The following PLXDC2 variants were observed in gnomAD, a reference collection of about 807,000 sequenced individuals.
The protein encoded by PLXDC2 is plexin domain containing 2, also known as plexin domain-containing protein 2.
Under a neutral mutation model 68.9 loss-of-function variants are expected in PLXDC2, and 40 were observed. The observed-to-expected ratio is 0.58, with a 90% CI of 0.45 to 0.76. PLXDC2 has a LOEUF of 0.76. PLXDC2 is among the 30% of genes least tolerant of loss of function. The pLI is 0.00. For missense variants in PLXDC2, 644 were observed against 661.9 expected (o/e 0.97, Z 0.30); for synonymous variants, 243 against 234.2 (o/e 1.04, Z -0.34).
chr10:20,006,524 T>G (rs531647501), intron 2 of PLXDC2, among the ~76,000 whole-genome samples: 2 of 152,268 alleles, frequency 1.3e-5, no homozygotes, highest in Non-Finnish European at 2.9e-5. Context: ...ATTCCTCAGA[T>G]GTTCTCCTCA....
rs571463676 is a variant in PLXDC2, at chr10:20,172,230, G to GAAAA, written c.884-4753_884-4750dup. On this transcript the variant is annotated intron_variant, in intron 7 of 13. Transcript: ENST00000377252. Reference sequence around the variant, plus strand: ...AAGTCACAGTCTCCTTTGTGAAAAGGAAAAAAAAAAAAAAAAAAAGAGAGA... The same window carrying GAAAA: ...AAGTCACAGTCTCCTTTGTGAAAAGGAAAAAAAAAAAAAAAAAAAAAAAGAGAGA... Among the ~76,000 whole-genome samples the GAAAA allele has an allele frequency of 1.1e-4, 12 of 110,588 alleles. No homozygotes were observed. The East Asian group carries it at 1.3e-3, about 12-fold the overall frequency. The allele number at this position is 110,588 out of a possible 152,430, so 72.6% of individuals were successfully genotyped here.
chr10:19,988,890 C>G (rs185628545), intron 1 of PLXDC2, among the ~76,000 whole-genome samples: 2 of 143,356 alleles, frequency 1.4e-5, no homozygotes, highest in South Asian at 2.2e-4. Flanking sequence ...CCGCCTCCCC[C>G]GTTCAGGAGA....
chr10:20,215,284 G>C (rs1176047570), intron 10 of PLXDC2, among the ~76,000 whole-genome samples: 1 of 152,042 alleles, frequency 6.6e-6, no homozygotes, highest in Admixed American at 6.6e-5. Flanking sequence ...TTTAGCTAAG[G>C]AGATATTTAG....
chr10:20,057,663 A>G (rs1836022458), intron 3 of PLXDC2, among the ~76,000 whole-genome samples: 1 of 152,098 alleles, frequency 6.6e-6, no homozygotes. Flanking sequence ...GACACTCTCT[A>G]TTAATGATAA....
At chr10:20,224,780 T>C (rs1484921304) in intron 12 of PLXDC2, among the ~76,000 whole-genome samples, 2 of 152,212 alleles carry the variant, frequency 1.3e-5, no homozygotes, top group Non-Finnish European at 2.9e-5. Flanking sequence ...CTGCATTATC[T>C]CTTGGTTCAT....
intron 1 of PLXDC2, among the ~76,000 whole-genome samples, chr10:19,831,304 G>A (rs1247914049): frequency 6.6e-6 from 1 of 151,326 alleles, no homozygotes; most frequent in Non-Finnish European, 1.5e-5. Flanking sequence ...CATCTTTCTT[G>A]GTGTTTCACT....
chr10:20,086,485 C>T (rs1339101748), intron 4 of PLXDC2, among the ~76,000 whole-genome samples: 2 of 151,910 alleles, frequency 1.3e-5, no homozygotes, highest in African/African-American at 4.8e-5. Context: ...AACCATTATG[C>T]TCAGCCTTGT....
At chr10:19,943,348 G>GTATAA (rs144498941) in intron 1 of PLXDC2, among the ~76,000 whole-genome samples, 6,457 of 151,904 alleles carry the variant, frequency 0.043, 259 homozygotes, top group East Asian at 0.18. Flanking sequence ...GTAATGTTCT[G>GTATAA]TATAATCTAC....
At chr10:19,936,391 A>C (rs1428186370) in intron 1 of PLXDC2, among the ~76,000 whole-genome samples, 3 of 152,102 alleles carry the variant, frequency 2.0e-5, no homozygotes, top group African/African-American at 4.8e-5. Flanking sequence ...GGCTATAGAG[A>C]CTCTGTTGCT....
At chr10:19,924,618 G>A (rs1031732240) in intron 1 of PLXDC2, among the ~76,000 whole-genome samples, 10 of 152,288 alleles carry the variant, frequency 6.6e-5, no homozygotes, top group Admixed American at 3.9e-4. Flanking sequence ...TCCAGATAGA[G>A]TTAAAAAATA....
chr10:20,108,450 T>C (rs1833518978), intron 4 of PLXDC2, among the ~76,000 whole-genome samples: 1 of 152,156 alleles, frequency 6.6e-6, no homozygotes, highest in South Asian at 2.1e-4. Flanking sequence ...TAATAGCATT[T>C]TTTGTTTATT....
Position 20,128,277 on chromosome 10 carries a change from T to G in PLXDC2, c.542-15018T>G, listed in dbSNP as rs562567271. On this transcript the variant is annotated intron_variant, in intron 4 of 13. Coordinates refer to ENST00000377252, the MANE Select transcript of PLXDC2 (RefSeq NM_032812.9). The stretch of plus-strand genomic sequence containing the variant: ...GATCTCCATATCTTTAGTCTAGGAG[T>G]GTAAATAATTCAAAGCAACTCTCTC... 2.5e-3 allele frequency among the ~76,000 whole-genome samples: 379 copies of G among 152,262 alleles called. 2 individuals carry two copies. Among genetic ancestry groups the G allele is most frequent in the Non-Finnish European group, 1.0e-3 (70 of 68,020 alleles).
At chr10:20,041,679 C>A (rs1050679042) in intron 2 of PLXDC2, among the ~76,000 whole-genome samples, 8 of 151,956 alleles carry the variant, frequency 5.3e-5, no homozygotes, top group Admixed American at 2.0e-4. Context: ...CTTGAGATGC[C>A]TTAACCAAAG....
intron 2 of PLXDC2, among the ~76,000 whole-genome samples, chr10:20,037,577 T>C (rs976241147): frequency 7.4e-5 from 11 of 149,050 alleles, no homozygotes; most frequent in African/African-American, 2.7e-4. Flanking sequence ...AGGGAGTAGA[T>C]AAATAAAGGT....
intron 1 of PLXDC2, among the ~76,000 whole-genome samples, chr10:19,967,268 A>G (rs1031804356): frequency 6.6e-6 from 1 of 152,204 alleles, no homozygotes. Context: ...GTTCATTAGC[A>G]TTCTCATATT....
At position 19,890,670 on chromosome 10, in the gene PLXDC2, C is replaced by T. The variant is rs1235799741; in HGVS notation, c.112+73479C>T. On this transcript the variant is annotated intron_variant, in intron 1 of 13. Transcript: ENST00000377252. ...GATTACAGGCGTGAGCCACCGCGCCCGGCTGCTTTTTTTTTTTTTTTTTTT... is the reference window on the plus strand; with the variant it reads ...GATTACAGGCGTGAGCCACCGCGCCTGGCTGCTTTTTTTTTTTTTTTTTTT... Among the ~76,000 whole-genome samples, 28 of 134,316 alleles carry T rather than the reference C, an allele frequency of 2.1e-4. No homozygotes were observed. In the East Asian group the frequency reaches 5.7e-3, roughly 28 times the overall value. The allele number at this position is 134,316 out of a possible 152,430, so 88.1% of individuals were successfully genotyped here.
At chr10:20,041,357 A>C (rs1285604454) in intron 2 of PLXDC2, among the ~76,000 whole-genome samples, 1 of 152,156 alleles carries the variant, frequency 6.6e-6, no homozygotes, top group Non-Finnish European at 1.5e-5. Context: ...AAACATTGTT[A>C]TTATCAGATA....
chr10:19,843,114 A>G (rs976832282), intron 1 of PLXDC2, among the ~76,000 whole-genome samples: 7 of 152,160 alleles, frequency 4.6e-5, no homozygotes, highest in Middle Eastern at 3.4e-3. Flanking sequence ...ACGATCTGCC[A>G]CTGTATCTAC....
chr10:20,086,105 T>C (rs1472144808), intron 4 of PLXDC2, among the ~76,000 whole-genome samples: 1 of 152,210 alleles, frequency 6.6e-6, no homozygotes. Flanking sequence ...GAGTTTTTCT[T>C]TGGGGACACA....
Sources: gnomAD v4.1 joint callset for allele counts (sites outside exome capture counted in the v4.1 genomes callset) on GRCh38, gnomAD v4.1.1 for gene constraint, MANE v1.5 for transcripts, NCBI Gene and HGNC (gene_info 2026-07-23, HGNC 2026-07-21) for gene names.